Variants in GLG1 observed in about 807,000 individuals in gnomAD.
The protein encoded by GLG1 is golgi glycoprotein 1, also known as Golgi apparatus protein 1.
Under a neutral mutation model 160.5 loss-of-function variants are expected in GLG1, and 38 were observed. That is an observed-to-expected ratio of 0.24 (90% CI 0.18 to 0.31). The LOEUF is 0.31. Among genes scored for constraint, GLG1 ranks in the 10% least tolerant of loss-of-function variants. GLG1 has a pLI of 1.00. For synonymous variants in GLG1, 644 were observed against 543.4 expected (o/e 1.19, Z -2.57); for missense variants, 1,373 against 1,505.2 (o/e 0.91, Z 1.45).
chr16:74,470,713 G>A (rs1263017578), intron 15 of GLG1, among the ~76,000 whole-genome samples: 1 of 152,042 alleles, frequency 6.6e-6, no homozygotes, highest in Non-Finnish European at 1.5e-5. Flanking sequence ...CTCCCAAAGT[G>A]CTGGAATTAC....
intron 1 of GLG1, among the ~76,000 whole-genome samples, chr16:74,580,127 T>C (rs1957905521): frequency 1.3e-5 from 2 of 152,062 alleles, no homozygotes; most frequent in African/African-American, 4.8e-5. Context: ...GTTGCACCAT[T>C]TTTTAAAACA....
intron 1 of GLG1, among the ~76,000 whole-genome samples, chr16:74,595,729 TTA>T (rs1597383239): frequency 6.6e-6 from 1 of 152,258 alleles, no homozygotes; most frequent in South Asian, 2.1e-4. Flanking sequence ...ATACATAATT[TTA>T]TGTTTTCTAG....
chr16:74,470,606 G>A (rs1043176163), intron 15 of GLG1, among the ~76,000 whole-genome samples: 16 of 151,130 alleles, frequency 1.1e-4, no homozygotes, highest in South Asian at 2.1e-4. Context: ...CCGCCATCAC[G>A]CCAGGCTAAT....
At position 74,496,425 on chromosome 16, in the gene GLG1, T is replaced by C; in HGVS notation, c.978+16A>G. 6.4e-7 allele frequency: 1 copy of C among 1,551,646 alleles called. No homozygotes were observed. The highest frequency in any genetic ancestry group is 1.1e-5 in the South Asian group (1 of 89,792). ...AAAATAAAAGGAAGAAAAGAACAGT[T>C]TCTGAGCTGACTCACATTTTCACAA... is the stretch of plus-strand genomic sequence containing the variant. On this transcript the variant is annotated intron_variant, in intron 5 of 25. Coordinates refer to ENST00000422840, the MANE Select transcript of GLG1 (RefSeq NM_001145667.2).
chr16:74,550,229 T>G (rs1008962775), intron 1 of GLG1, among the ~76,000 whole-genome samples: 2 of 152,228 alleles, frequency 1.3e-5, no homozygotes, highest in African/African-American at 4.8e-5. Context: ...ATTCAAAAGC[T>G]TCTTCCTGAA....
In GLG1 at chr16:74,514,003, T is replaced by G. The variant is rs552659915; in HGVS notation, c.472-5078A>C. 2.4e-4 allele frequency among the ~76,000 whole-genome samples: 36 copies of G among 152,226 alleles called. No homozygotes were observed. The East Asian group carries it at 6.6e-3, about 28-fold the overall frequency. On this transcript the variant is annotated intron_variant, in intron 2 of 25. Transcript: ENST00000422840. ...GAACTTCGTGAAGCATACGTAAGCT[T>G]CAATAGTCGATTTGATCAAGCGGAA... is the stretch of plus-strand genomic sequence containing the variant.
intron 1 of GLG1, among the ~76,000 whole-genome samples, chr16:74,539,675 T>C (rs2017780386): frequency 6.6e-6 from 1 of 151,450 alleles, no homozygotes; most frequent in South Asian, 2.1e-4. Context: ...CAATCGCTAA[T>C]TACTCAAAAC....
chr16:74,469,858 G>C (rs2015133368), intron 16 of GLG1, 127 bp downstream of exon 16: 1 of 689,072 alleles, frequency 1.5e-6, no homozygotes, highest in East Asian at 2.6e-5. Flanking sequence ...AATCAAAGGA[G>C]AGATGCGGGA....
At chr16:74,454,999 G>A (rs1301603721) in intron 25 of GLG1, among the ~76,000 whole-genome samples, 2 of 152,058 alleles carry the variant, frequency 1.3e-5, no homozygotes, top group Non-Finnish European at 2.9e-5. Flanking sequence ...AGCTACTCAA[G>A]GAGGATCACT....
chr16:74,568,418 CTTT>C (rs57385691), intron 1 of GLG1, among the ~76,000 whole-genome samples: 158 of 130,498 alleles, frequency 1.2e-3, no homozygotes, highest in Non-Finnish European at 1.6e-3. Flanking sequence ...AATTTTACTG[CTTT>C]TTTTTTTTTT....
At chr16:74,605,940 T>C (rs879721037) in intron 1 of GLG1, among the ~76,000 whole-genome samples, 1 of 152,136 alleles carries the variant, frequency 6.6e-6, no homozygotes, top group African/African-American at 2.4e-5. Flanking sequence ...ATTATCAATG[T>C]CACTCAACTG....
At chr16:74,504,226 G>T (rs1428564681) in intron 3 of GLG1, among the ~76,000 whole-genome samples, 1 of 152,170 alleles carries the variant, frequency 6.6e-6, no homozygotes, top group Admixed American at 6.5e-5. Flanking sequence ...TTATTGTTAG[G>T]CAAACCTAAG....
chr16:74,456,858 T>A (rs1285789531), intron 24 of GLG1, 103 bp from the exon 25 acceptor site: 5 of 751,288 alleles, frequency 6.7e-6, no homozygotes, highest in South Asian at 1.5e-5. Flanking sequence ...AGAATTCAGA[T>A]CTGCAGGCTC....
At position 74,451,931 on chromosome 16, in the gene GLG1, A is replaced by G. The variant is rs2014323209; in HGVS notation, c.*1236T>C. ...CCTACTAGAGTGGGTACACGCAGCA[A>G]ATGGACAGAAAGAAAAAAAACAGAG... On this transcript the variant is annotated 3_prime_UTR_variant, in exon 26 of 26. Transcript: ENST00000422840. The G allele has an allele frequency of 4.0e-6, 3 of 746,720 alleles. No homozygotes were observed. In the Admixed American group the frequency reaches 6.7e-5, roughly 17 times the overall value. 46.3% of individuals were successfully genotyped at this position (746,720 alleles called of 1,614,324 possible). A position where few individuals can be genotyped will look rare whatever the true frequency, so the allele number is the denominator to read the frequency against.
chr16:74,512,868 G>A (rs1261301805), intron 2 of GLG1, among the ~76,000 whole-genome samples: 1 of 152,116 alleles, frequency 6.6e-6, no homozygotes, highest in Non-Finnish European at 1.5e-5. Context: ...GGTAAGAGGA[G>A]GGACAGGGAG....
intron 10 of GLG1, 46 bp downstream of exon 10, chr16:74,482,977 A>G (rs374921991): frequency 6.2e-6 from 6 of 961,148 alleles, no homozygotes; most frequent in African/African-American, 1.6e-5. Flanking sequence ...ACTACACAGG[A>G]GAAGAGGCTG....
At chr16:74,549,802 A>G (rs1449025671) in intron 1 of GLG1, among the ~76,000 whole-genome samples, 1 of 151,842 alleles carries the variant, frequency 6.6e-6, no homozygotes, top group Non-Finnish European at 1.5e-5. Flanking sequence ...TGACTGCTCT[A>G]TAAAATGGAA....
chr16:74,474,273 AG>A, intron 13 of GLG1: 1 of 321,584 alleles, frequency 3.1e-6, no homozygotes, highest in Non-Finnish European at 5.8e-6. Flanking sequence ...ATCTTAAGGG[AG>A]AAACAGAGGC....
intron 10 of GLG1, 47 bp from the exon 11 acceptor site, chr16:74,480,441 C>A: frequency 1.4e-6 from 2 of 1,410,698 alleles, no homozygotes; most frequent in Non-Finnish European, 2.0e-6. Context: ...ATAGACATTT[C>A]CTTCTAACAC....
Sources: allele counts gnomAD v4.1 joint callset (sites outside exome capture counted in the v4.1 genomes callset), GRCh38; gene constraint gnomAD v4.1.1; transcripts MANE v1.5; gene names NCBI Gene and HGNC (gene_info 2026-07-23, HGNC 2026-07-21).